Variants in TGFB3 observed in about 807,000 individuals in gnomAD.
The protein encoded by TGFB3 is transforming growth factor beta 3.
TGFB3 carries 5 observed loss-of-function variants against 40.1 expected under a neutral mutation model. The observed-to-expected ratio is 0.12, with a 90% CI of 0.07 to 0.26. The LOEUF is 0.26. TGFB3 is among the 10% of genes least tolerant of loss of function. TGFB3 has a pLI of 1.00. For missense variants in TGFB3, 373 were observed against 530.1 expected (o/e 0.70, Z 2.91); for synonymous variants, 184 against 205.6 (o/e 0.89, Z 0.90).
In TGFB3 at chr14:75,971,663, C is replaced by T. The variant is rs746052317; in HGVS notation, c.408G>A (p.Val136=). The T allele has an allele frequency of 2.5e-6, 4 of 1,614,236 alleles. No homozygotes were observed. Among genetic ancestry groups the T allele is most frequent in the Non-Finnish European group, 3.4e-6 (4 of 1,180,044 alleles). ...TGGTTCTATTTTTCTCCACTGAGGA[C>T]ACATTGAAGCGGAAAACCTTGGAGG... ...GITSKVFRFN[V]SSVEKNRTNL... The change falls in exon 2 of 7, where the codon GTG becomes GTA. Residue 136 remains valine, a synonymous_variant. Coordinates refer to ENST00000238682, the MANE Select transcript of TGFB3 (RefSeq NM_003239.5). The surrounding 1 kb of genome is among the most constrained non-coding windows in gnomAD (Gnocchi z 4.5).
In TGFB3 at chr14:75,978,489, A is replaced by C. The variant is rs1257355428; in HGVS notation, c.352+2053T>G. On this transcript the variant is annotated intron_variant, in intron 1 of 6. Transcript: ENST00000238682. The surrounding 1 kb of genome is among the most constrained non-coding windows in gnomAD (Gnocchi z 5.0). The stretch of plus-strand genomic sequence containing the variant: ...TCCAAGTCACCTCCAACAGCTGCAG[A>C]GTCTGCCTGCTTCCGGTTTGTACCT... Among the ~76,000 whole-genome samples, 1 of 152,188 alleles carries C rather than the reference A, an allele frequency of 6.6e-6. No individual in the cohort carries two copies. The highest frequency in any genetic ancestry group is 1.5e-5 in the Non-Finnish European group (1 of 68,036).
chr14:75,968,423 A>G (rs2035247345), intron 3 of TGFB3, among the ~76,000 whole-genome samples: 1 of 152,210 alleles, frequency 6.6e-6, no homozygotes, highest in Admixed American at 6.5e-5. Context: ...TGGGGGACCC[A>G]TAGGTTTTAT....
At chr14:75,968,018 C>G (rs139896541) in intron 3 of TGFB3, among the ~76,000 whole-genome samples, 1 of 152,206 alleles carries the variant, frequency 6.6e-6, no homozygotes, top group Non-Finnish European at 1.5e-5. Context: ...GGAGGCCTGG[C>G]CCTGCCTAGC....
At chr14:75,976,564 T>C (rs924044813) in intron 1 of TGFB3, among the ~76,000 whole-genome samples, 2 of 152,138 alleles carry the variant, frequency 1.3e-5, no homozygotes, top group South Asian at 4.1e-4. Context: ...ATGTTAAAAA[T>C]TGGAACACTT....
chr14:75,974,174 G>C (rs2035325936), intron 1 of TGFB3, among the ~76,000 whole-genome samples: 1 of 151,982 alleles, frequency 6.6e-6, no homozygotes, highest in African/African-American at 2.4e-5. Flanking sequence ...AATGGCACTT[G>C]CTGGTGAGAC....
In TGFB3 at chr14:75,979,287, C is replaced by G. The variant is rs1324067981; in HGVS notation, c.352+1255G>C. Among the ~76,000 whole-genome samples, 1 of 152,160 alleles carries G rather than the reference C, an allele frequency of 6.6e-6. No homozygotes were observed. Among genetic ancestry groups the G allele is most frequent in the Non-Finnish European group, 1.5e-5 (1 of 68,018 alleles). On this transcript the variant is annotated intron_variant, in intron 1 of 6. Coordinates refer to ENST00000238682, the MANE Select transcript of TGFB3 (RefSeq NM_003239.5). The surrounding 1 kb of genome is among the most constrained non-coding windows in gnomAD (Gnocchi z 4.8). ...CACCCATCGGTACCCACTCCTGTTCCTTCTCTCCAGCCAGGTTCCTTTCAC... is the reference window on the plus strand; with the variant it reads ...CACCCATCGGTACCCACTCCTGTTCGTTCTCTCCAGCCAGGTTCCTTTCAC...
chr14:75,961,536 A>G (rs1418147522), intron 5 of TGFB3, among the ~76,000 whole-genome samples: 1 of 152,254 alleles, frequency 6.6e-6, no homozygotes, highest in Non-Finnish European at 1.5e-5. Context: ...AAGGCCATTT[A>G]GCCAAATAAG....
chr14:75,980,742 A>T lies in TGFB3; in HGVS notation c.152T>A (p.Leu51His). The T allele has an allele frequency of 6.2e-7, 1 of 1,614,118 alleles. No homozygotes were observed. The highest frequency in any genetic ancestry group is 8.5e-7 in the Non-Finnish European group (1 of 1,180,028). ...TGGCTCAGGGGGGCTGGTGAGCCTGAGCTTGCTCAAGATCTGTCCCCTAAT... is the reference window on the plus strand; with the variant it reads ...TGGCTCAGGGGGGCTGGTGAGCCTGTGCTTGCTCAAGATCTGTCCCCTAAT... ...EAIRGQILSKLRLTSPPEPTV... is the reference protein window; with the variant it reads ...EAIRGQILSKHRLTSPPEPTV... Residue 51 changes from leucine to histidine, a missense_variant, in exon 1 of 7, where the codon CTC becomes CAC. By Grantham distance (99) the Leu-to-His change is moderately conservative. Coordinates refer to ENST00000238682, the MANE Select transcript of TGFB3 (RefSeq NM_003239.5). The surrounding 1 kb of genome is among the most constrained non-coding windows in gnomAD (Gnocchi z 4.3).
rs761508235 is a variant in TGFB3 at position 75,979,431 on chromosome 14, G to A, written c.352+1111C>T. Reference sequence around the variant, plus strand: ...GGGCCTGGGCTGAGGTAGTCAGGGCGGCGAGGACACCTGCTGGTAGGAAAA... The same window carrying A: ...GGGCCTGGGCTGAGGTAGTCAGGGCAGCGAGGACACCTGCTGGTAGGAAAA... On this transcript the variant is annotated intron_variant, in intron 1 of 6. Transcript: ENST00000238682. This position sits in a 1 kb window ranked among gnomAD's most constrained non-coding sequence, Gnocchi z 4.8. Among the ~76,000 whole-genome samples the A allele has an allele frequency of 6.6e-6, 1 of 152,118 alleles. No homozygotes were observed. Among genetic ancestry groups the A allele is most frequent in the African/African-American group, 2.4e-5 (1 of 41,430 alleles).
chr14:75,972,268 G>T (rs2035303083), intron 1 of TGFB3, among the ~76,000 whole-genome samples: 1 of 152,158 alleles, frequency 6.6e-6, no homozygotes, highest in African/African-American at 2.4e-5. Flanking sequence ...TCCATTATTG[G>T]AACGCTAAGC....
chr14:75,963,201 T>G, intron 5 of TGFB3, 115 bp downstream of exon 5: 3 of 1,165,672 alleles, frequency 2.6e-6, no homozygotes, highest in Non-Finnish European at 3.9e-6. Context: ...CCTGGAGATG[T>G]TTGTGAATAG....
chr14:75,959,038 A>C lies in TGFB3; in HGVS notation c.*149T>G. On this transcript the variant is annotated 3_prime_UTR_variant, in exon 7 of 7. Coordinates refer to ENST00000238682, the MANE Select transcript of TGFB3 (RefSeq NM_003239.5). ...AGCCAGCAAGAAAGAAATGTTCCAA[A>C]AGGAAACCTCCATCTCAGCCATTTG... is the stretch of plus-strand genomic sequence containing the variant. 1 of 937,036 alleles carries C rather than the reference A, an allele frequency of 1.1e-6. No individual in the cohort carries two copies. Among genetic ancestry groups the C allele is most frequent in the Admixed American group, 2.0e-5 (1 of 51,060 alleles). The allele number at this position is 937,036 out of a possible 1,614,324, so 58.0% of individuals were successfully genotyped here.
Position 75,958,346 on chromosome 14 carries a change from TG to T in TGFB3, c.*840del, listed in dbSNP as rs2035111498. 6.6e-6 allele frequency: 1 copy of T among 152,602 alleles called. No individual in the cohort carries two copies. The highest frequency in any genetic ancestry group is 2.4e-5 in the African/African-American group (1 of 41,396). 9.5% of individuals were successfully genotyped at this position (152,602 alleles called of 1,614,324 possible). A position where few individuals can be genotyped will look rare whatever the true frequency, so the allele number is the denominator to read the frequency against. On this transcript the variant is annotated 3_prime_UTR_variant, in exon 7 of 7. Coordinates refer to ENST00000238682, the MANE Select transcript of TGFB3 (RefSeq NM_003239.5). ...TGAACACAGGGTCTTGGAGGGGAAG[TG>T]GGGGAAGAACCCATAATGCCCCAAG...
At position 75,965,452 on chromosome 14, in the gene TGFB3, A is replaced by C. The variant is rs995452174; in HGVS notation, c.754+136T>G. The C allele has an allele frequency of 6.7e-6, 5 of 744,414 alleles. No individual in the cohort carries two copies. In the African/African-American group the frequency reaches 8.7e-5, roughly 13 times the overall value. 46.1% of individuals were successfully genotyped at this position (744,414 alleles called of 1,614,324 possible). ...TTTTGGGGCAAAGCAGAATTACTCAAGTACAAAATAGTCGGCTATCTCTCT... is the reference window on the plus strand; with the variant it reads ...TTTTGGGGCAAAGCAGAATTACTCACGTACAAAATAGTCGGCTATCTCTCT... On this transcript the variant is annotated intron_variant, in intron 4 of 6. Coordinates refer to ENST00000238682, the MANE Select transcript of TGFB3 (RefSeq NM_003239.5).
upstream of TGFB3, among the ~76,000 whole-genome samples, chr14:75,982,126 A>C (rs2035443430): frequency 6.6e-6 from 1 of 152,226 alleles, no homozygotes; most frequent in South Asian, 2.1e-4. The surrounding 1 kb of genome is among the most constrained non-coding windows in gnomAD (Gnocchi z 4.0). Flanking sequence ...CAGGCACAGG[A>C]AAAGCCGAGC....
At chr14:75,969,052 T>C (rs2035255601) in intron 3 of TGFB3, among the ~76,000 whole-genome samples, 1 of 152,160 alleles carries the variant, frequency 6.6e-6, no homozygotes. Context: ...CAGGAAATCT[T>C]TCGATTTTTC....
rs985129130 is a variant in TGFB3, at chr14:75,975,319, G to A, written c.353-3601C>T. Among the ~76,000 whole-genome samples, 25 of 152,188 alleles carry A rather than the reference G, an allele frequency of 1.6e-4. 1 individual carries two copies. Among genetic ancestry groups the A allele is most frequent in the Admixed American group, 1.4e-3 (21 of 15,298 alleles). ...GAAGGCAGAAGCTACAGTGAGCCGA[G>A]ATTGCACCAGTGCACTCCAGGCTGG... On this transcript the variant is annotated intron_variant, in intron 1 of 6. Coordinates refer to ENST00000238682, the MANE Select transcript of TGFB3 (RefSeq NM_003239.5).
At chr14:75,970,954 T>G in intron 3 of TGFB3, 172 bp downstream of exon 3, 16 of 919,462 alleles carry the variant, frequency 1.7e-5, no homozygotes, top group East Asian at 2.6e-5. Context: ...TGTCTTACAG[T>G]GAGCATTTAA....
chr14:75,974,776 A>AAG (rs1555361011), intron 1 of TGFB3, among the ~76,000 whole-genome samples: 1 of 150,152 alleles, frequency 6.7e-6, no homozygotes, highest in African/African-American at 2.4e-5. Flanking sequence ...AAAAAAAAAA[A>AAG]AAAAAGAAGA....
Sources: gnomAD v4.1 joint callset for allele counts (sites outside exome capture counted in the v4.1 genomes callset) on GRCh38, gnomAD v4.1.1 for gene constraint, Gnocchi (gnomAD v3.1) non-coding constraint, MANE v1.5 for transcripts, NCBI Gene and HGNC (gene_info 2026-07-23, HGNC 2026-07-21) for gene names.